Variants in PRG3 observed in about 807,000 individuals in gnomAD.
The protein encoded by PRG3 is proteoglycan 3.
A neutral mutation model predicts 26.1 loss-of-function variants in PRG3; 25 were observed. The ratio of observed to expected loss-of-function variants is 0.96; its 90% CI spans 0.70 to 1.34. The LOEUF (loss-of-function observed/expected upper bound fraction) is 1.34, where lower values mean the gene tolerates loss of function less well. Ranked by LOEUF, PRG3 falls within the 40% of genes most tolerant of loss-of-function variation. The pLI, the probability that PRG3 is intolerant of heterozygous loss-of-function variation, is 0.00. For missense variants in PRG3, 280 were observed against 264.8 expected (o/e 1.06, Z -0.40); for synonymous variants, 111 against 100.4 (o/e 1.11, Z -0.63).
rs751442240 is a variant in PRG3 at position 57,380,726 on chromosome 11, G to A, written c.-18C>T. Reference sequence around the variant, plus strand: ...CATTGCATATCTACTGTCTTTTAGCGAGGACACTACTCCACCGTCCTTCTT... The same window carrying A: ...CATTGCATATCTACTGTCTTTTAGCAAGGACACTACTCCACCGTCCTTCTT... On this transcript the variant is annotated 5_prime_UTR_variant, in exon 2 of 6. Transcript: ENST00000287143. 31 of 1,520,154 alleles carry A rather than the reference G, an allele frequency of 2.0e-5. No individual in the cohort carries two copies. Among genetic ancestry groups the A allele is most frequent in the Middle Eastern group, 1.7e-4 (1 of 5,844 alleles). 94.2% of individuals were successfully genotyped at this position (1,520,154 alleles called of 1,614,324 possible).
intron 5 of PRG3, among the ~76,000 whole-genome samples, chr11:57,377,199 G>A (rs1334666125): frequency 3.9e-5 from 6 of 152,284 alleles, no homozygotes; most frequent in South Asian, 2.1e-4. Context: ...GGAAACGGGG[G>A]CTTAGTAGAG....
intron 2 of PRG3, 65 bp from the exon 3 acceptor site, chr11:57,379,872 C>G: frequency 7.0e-7 from 1 of 1,434,610 alleles, no homozygotes; most frequent in Non-Finnish European, 9.4e-7. Context: ...GTGGACAGCT[C>G]CAGCAACGTC....
chr11:57,378,620 G>A, intron 4 of PRG3, 61 bp downstream of exon 4: 5 of 1,586,540 alleles, frequency 3.2e-6, no homozygotes, highest in Non-Finnish European at 4.3e-6. Flanking sequence ...GGCACCATCA[G>A]ATGCTACTTT....
chr11:57,377,746 A>G lies in PRG3; in HGVS notation c.598T>C (p.Cys200Arg). The change falls in exon 5 of 6, where the codon TGT becomes CGT. Residue 200 changes from cysteine to arginine, a missense_variant. Cys to Arg is a radical substitution (Grantham distance 180, BLOSUM62 -3). Coordinates refer to ENST00000287143, the MANE Select transcript of PRG3 (RefSeq NM_006093.4). ...PGQPGNGQGS[C>R]VALCTKGGYW... ...TCACCTTTGGTGCATAGGGCCACAC[A>G]GGAGCCTTGCCCATTCCCAGGTTGC... 6.2e-7 allele frequency: 1 copy of G among 1,612,940 alleles called. No individual in the cohort carries two copies. Among genetic ancestry groups the G allele is most frequent in the Non-Finnish European group, 8.5e-7 (1 of 1,179,848 alleles).
intron 4 of PRG3, 79 bp from the exon 5 acceptor site, chr11:57,377,915 C>A: frequency 8.4e-7 from 1 of 1,192,498 alleles, no homozygotes. Flanking sequence ...TGACTTCTCT[C>A]ACTGCCTACC....
At chr11:57,380,261 G>T (rs1856985521) in intron 2 of PRG3, among the ~76,000 whole-genome samples, 2 of 152,060 alleles carry the variant, frequency 1.3e-5, no homozygotes, top group African/African-American at 2.4e-5. Flanking sequence ...TTAGCCAGGC[G>T]TGGTGGCATG....
At chr11:57,379,265 T>G (rs1030853635) in intron 3 of PRG3, among the ~76,000 whole-genome samples, 2 of 152,220 alleles carry the variant, frequency 1.3e-5, no homozygotes, top group Non-Finnish European at 2.9e-5. Flanking sequence ...AACAATATCA[T>G]CATCACCTGG....
At chr11:57,380,605 G>A in intron 2 of PRG3, 43 bp downstream of exon 2, 1 of 1,497,158 alleles carries the variant, frequency 6.7e-7, no homozygotes, top group Non-Finnish European at 9.0e-7. Flanking sequence ...TAGGAAAAAG[G>A]AAAAAAGGGA....
At chr11:57,379,417 TA>T in intron 3 of PRG3, 76 bp downstream of exon 3, 1 of 1,396,066 alleles carries the variant, frequency 7.2e-7, no homozygotes, top group Non-Finnish European at 9.7e-7. Context: ...ACCACTAGCC[TA>T]AATGAATAGG....
In PRG3 at chr11:57,380,597, G is replaced by A. The variant is rs138913146; in HGVS notation, c.61+51C>T. 298 of 1,468,910 alleles carry A rather than the reference G, an allele frequency of 2.0e-4. 2 individuals carry two copies. The African/African-American group carries it at 3.4e-3, about 17-fold the overall frequency. 91.0% of individuals were successfully genotyped at this position (1,468,910 alleles called of 1,614,324 possible). ...ATAAAAGCGGGGGGAGGGGAGTGTA[G>A]GAAAAAGGAAAAAAGGGAAAGACGC... On this transcript the variant is annotated intron_variant, in intron 2 of 5. Coordinates refer to ENST00000287143, the MANE Select transcript of PRG3 (RefSeq NM_006093.4).
intron 3 of PRG3, 141 bp from the exon 4 acceptor site, chr11:57,378,953 C>T: frequency 2.2e-6 from 2 of 896,128 alleles, no homozygotes; most frequent in South Asian, 3.3e-5. Context: ...TCTTAATTAG[C>T]TGTCAGGACA....
chr11:57,377,089 T>G (rs528041363), intron 5 of PRG3, among the ~76,000 whole-genome samples, 181 bp from the exon 6 acceptor site: 1 of 152,336 alleles, frequency 6.6e-6, no homozygotes, highest in African/African-American at 2.4e-5. Context: ...AGCTAGGCTG[T>G]GTGCTAACTG....
chr11:57,379,645 T>C lies in PRG3; in HGVS notation c.224A>G (p.Asp75Gly), dbSNP rs773960761. The change falls in exon 3 of 6, where the codon GAT becomes GGT. Residue 75 changes from aspartate (D) to glycine (G), a missense_variant. Transcript: ENST00000287143. Reference protein sequence around the residue: ...KASACQDNFEDEEAMESDPAA... With the variant: ...KASACQDNFEGEEAMESDPAA... ...TGGGTCCGACTCCATGGCTTCCTCA[T>C]CCTCAAAGTTGTCTTGACAGGCAGA... The C allele has an allele frequency of 1.9e-6, 3 of 1,613,844 alleles. No individual in the cohort carries two copies. Among genetic ancestry groups the C allele is most frequent in the East Asian group, 4.5e-5 (2 of 44,896 alleles).
chr11:57,378,569 C>T (rs1176592168), intron 4 of PRG3, 112 bp downstream of exon 4: 1 of 1,400,820 alleles, frequency 7.1e-7, no homozygotes, highest in Non-Finnish European at 9.8e-7. Flanking sequence ...CACATCATTG[C>T]CTGCCACATT....
chr11:57,380,420 C>CA (rs948898137), intron 2 of PRG3, among the ~76,000 whole-genome samples: 41 of 9,052 alleles, frequency 4.5e-3, no homozygotes, highest in East Asian at 0.045. Flanking sequence ...AAAAAACAAA[C>CA]AAAAAAAAAA....
chr11:57,376,848 G>T lies in PRG3; in HGVS notation c.*2C>A. ...TGCTGGCAGGGTCTCCGTGCCGCTG[G>T]CTTAGAAGGAGCAGACGAAGGGCAG... On this transcript the variant is annotated 3_prime_UTR_variant, in exon 6 of 6. Transcript: ENST00000287143. 6.2e-7 allele frequency: 1 copy of T among 1,612,486 alleles called. No individual in the cohort carries two copies.
At chr11:57,378,875 CA>C in intron 3 of PRG3, 63 bp from the exon 4 acceptor site, 1 of 1,597,280 alleles carries the variant, frequency 6.3e-7, no homozygotes, top group South Asian at 1.1e-5. Context: ...AGTCTCCAGG[CA>C]AGAGCCCGGC....
Position 57,379,530 on chromosome 11 carries a change from T to C in PRG3, c.339A>G (p.Leu113=), listed in dbSNP as rs755666051. The C allele has an allele frequency of 4.3e-6, 7 of 1,613,470 alleles. No individual in the cohort carries two copies. In the East Asian group the frequency reaches 1.1e-4, roughly 26 times the overall value. ...GSPRCKICRY[L]LVRTPKTFAE... is the part of the protein sequence containing the mutation. Reference sequence around the variant, plus strand: ...CAAAAGTTTTAGGAGTCCGCACCAATAGGTAGCGGCAGATCTTGCACCTTG... The same window carrying C: ...CAAAAGTTTTAGGAGTCCGCACCAACAGGTAGCGGCAGATCTTGCACCTTG... The change falls in exon 3 of 6, where the codon CTA becomes CTG. Residue 113 remains leucine (L), a synonymous_variant. Coordinates refer to ENST00000287143, the MANE Select transcript of PRG3 (RefSeq NM_006093.4).
rs1856968883 is a variant in PRG3, at chr11:57,378,721, T to C, written c.467A>G (p.Asn156Ser). The stretch of plus-strand genomic sequence containing the variant: ...GCCTCCAATCCAGACCTGGGCTTGG[T>C]TGACTGTGCTAGTGCAGCACTGAAT... ...YRIQCCTSTV[N>S]QAQVWIGGNL... Residue 156 changes from asparagine (N) to serine (S), a missense_variant, in exon 4 of 6, where the codon AAC becomes AGC. Asn to Ser is a conservative substitution (Grantham distance 46). Coordinates refer to ENST00000287143, the MANE Select transcript of PRG3 (RefSeq NM_006093.4). The C allele has an allele frequency of 1.2e-6, 2 of 1,613,766 alleles. No individual in the cohort carries two copies. Among genetic ancestry groups the C allele is most frequent in the Non-Finnish European group, 1.7e-6 (2 of 1,179,856 alleles).
Sources: gnomAD v4.1 joint callset for allele counts (sites outside exome capture counted in the v4.1 genomes callset) on GRCh38, gnomAD v4.1.1 for gene constraint, MANE v1.5 for transcripts, NCBI Gene and HGNC (gene_info 2026-07-23, HGNC 2026-07-21) for gene names.